The following ABI2 variants were observed in gnomAD, a reference collection of about 807,000 sequenced individuals.
The protein encoded by ABI2 is abl interactor 2.
In ABI2, 25 loss-of-function variants were observed where a neutral mutation model predicts 59.2. The ratio of observed to expected loss-of-function variants is 0.42; its 90% CI spans 0.31 to 0.59. The LOEUF is 0.59. Among genes scored for constraint, ABI2 ranks in the 20% least tolerant of loss-of-function variants. The pLI, the probability that ABI2 is intolerant of heterozygous loss-of-function variation, is 0.14. For synonymous variants in ABI2, 213 were observed against 235.5 expected, an observed-to-expected ratio of 0.90 and a Z score of 0.87; for missense variants, 545 against 681.8, an observed-to-expected ratio of 0.80 and a Z score of 2.23.
intron 1 of ABI2, among the ~76,000 whole-genome samples, chr2:203,347,722 C>T (rs973423290): frequency 6.6e-6 from 1 of 152,190 alleles, no homozygotes; most frequent in Admixed American, 6.5e-5. Flanking sequence ...CGACACATAA[C>T]TTATGACACT....
intron 1 of ABI2, among the ~76,000 whole-genome samples, chr2:203,364,479 G>T (rs927060980): frequency 6.6e-6 from 1 of 152,156 alleles, no homozygotes; most frequent in Non-Finnish European, 1.5e-5. Flanking sequence ...CCACCATTGC[G>T]CTGACTTATC....
chr2:203,396,924 C>T lies in ABI2; in HGVS notation c.990C>T (p.Phe330=). 6.6e-7 allele frequency: 1 copy of T among 1,523,680 alleles called. No homozygotes were observed. The highest frequency in any genetic ancestry group is 8.8e-7 in the Non-Finnish European group (1 of 1,142,168). 94.4% of individuals were successfully genotyped at this position (1,523,680 alleles called of 1,614,324 possible). A position where few individuals can be genotyped will look rare whatever the true frequency, so the allele number is the denominator to read the frequency against. Residue 330 remains phenylalanine (F), a synonymous_variant, in exon 8 of 12, where the codon TTC becomes TTT. Coordinates refer to ENST00000261018, the MANE Select transcript of ABI2 (RefSeq NM_001375670.1). ...GTGCCCAGACCCTTGCTGATGGCTT[C>T]ACTTCTCCAACTCCCCCTGTTGTTT... ...AGGAQTLADG[F]TSPTPPVVSS...
intron 1 of ABI2, among the ~76,000 whole-genome samples, chr2:203,335,579 G>T (rs781668161): frequency 3.9e-5 from 6 of 152,328 alleles, no homozygotes; most frequent in African/African-American, 1.4e-4. Context: ...TATTTTATAA[G>T]TAGGATATAA....
intron 1 of ABI2, among the ~76,000 whole-genome samples, chr2:203,330,608 A>G (rs2072614163): frequency 6.6e-6 from 1 of 152,168 alleles, no homozygotes; most frequent in South Asian, 2.1e-4. Flanking sequence ...GGGATTTCAC[A>G]ATCTCTAGTA....
At chr2:203,407,432 TCA>T (rs1491442029) in intron 9 of ABI2, among the ~76,000 whole-genome samples, 3 of 152,230 alleles carry the variant, frequency 2.0e-5, no homozygotes, top group African/African-American at 4.8e-5. Flanking sequence ...TCTAATATTC[TCA>T]GAGTATTTAT....
Position 203,402,732 on chromosome 2 carries a change from C to T in ABI2, c.1190C>T (p.Pro397Leu), listed in dbSNP as rs1256665762. The change falls in exon 9 of 12, where the codon CCA becomes CTA. Residue 397 changes from proline to leucine, a missense_variant and splice_region_variant. This residue lies in a region of ABI2 where 410 missense variants were observed against 435.6 expected (regional missense o/e 0.94). Transcript: ENST00000261018. Reference sequence around the variant, plus strand: ...GGAGGACCTTTTTATAGCCAGAATCCAGGTTAGTTTTTTTGTTTTTTTGCA... The same window carrying T: ...GGAGGACCTTTTTATAGCCAGAATCTAGGTTAGTTTTTTTGTTTTTTTGCA... ...MNGGPFYSQN[P>L]VSLAPPPPSI... 1 of 1,561,368 alleles carries T rather than the reference C, an allele frequency of 6.4e-7. No homozygotes were observed. The highest frequency in any genetic ancestry group is 8.6e-7 in the Non-Finnish European group (1 of 1,161,540).
At chr2:203,355,598 G>C (rs2091496344) in intron 1 of ABI2, among the ~76,000 whole-genome samples, 1 of 151,974 alleles carries the variant, frequency 6.6e-6, no homozygotes, top group African/African-American at 2.4e-5. Context: ...GGGAGGCTGA[G>C]GTGGGCGGAT....
intron 1 of ABI2, among the ~76,000 whole-genome samples, chr2:203,349,692 A>G (rs1576376348): frequency 2.0e-5 from 3 of 149,272 alleles, no homozygotes; most frequent in Admixed American, 2.0e-4. Context: ...GGTGTGAGCC[A>G]CTGTGCCCGG....
intron 9 of ABI2, among the ~76,000 whole-genome samples, chr2:203,404,371 T>G (rs995220721): frequency 6.6e-6 from 1 of 152,240 alleles, no homozygotes; most frequent in African/African-American, 2.4e-5. Context: ...CCTTAATTGA[T>G]ATATACTTCC....
chr2:203,343,224 T>C (rs913457801), intron 1 of ABI2, among the ~76,000 whole-genome samples: 5 of 152,048 alleles, frequency 3.3e-5, no homozygotes, highest in Non-Finnish European at 5.9e-5. Context: ...ATTAGCGGGA[T>C]GTGGTGGCAC....
At chr2:203,379,633 A>G (rs1198942928) in intron 2 of ABI2, among the ~76,000 whole-genome samples, 1 of 152,228 alleles carries the variant, frequency 6.6e-6, no homozygotes, top group African/African-American at 2.4e-5. Context: ...TTAGAAATGT[A>G]ACTAGATTAA....
At chr2:203,374,889 G>A (rs1196239135) in intron 2 of ABI2, 1 of 451,338 alleles carries the variant, frequency 2.2e-6, no homozygotes, top group African/African-American at 2.0e-5. Flanking sequence ...TCAATTATCT[G>A]TGGTAATGGG....
chr2:203,416,922 C>T lies in ABI2; in HGVS notation c.1294C>T (p.Pro432Ser), dbSNP rs757465070. 2.5e-6 allele frequency: 4 copies of T among 1,612,096 alleles called. No homozygotes were observed. Among genetic ancestry groups the T allele is most frequent in the African/African-American group, 1.3e-5 (1 of 74,826 alleles). ...RVQENISDTP[P>S]PPPPVEEPVF... ...TACGTTCTTAGTTTCAGATACACCACCTCCACCGCCACCTGTGGAAGAACC... is the reference window on the plus strand; with the variant it reads ...TACGTTCTTAGTTTCAGATACACCATCTCCACCGCCACCTGTGGAAGAACC... The change falls in exon 11 of 12, where the codon CCT becomes TCT. Residue 432 changes from proline to serine, a missense_variant. Physicochemically the swap from Pro to Ser is moderately conservative, Grantham distance 74. Coordinates refer to ENST00000261018, the MANE Select transcript of ABI2 (RefSeq NM_001375670.1).
chr2:203,346,852 C>T (rs993740925), intron 1 of ABI2, among the ~76,000 whole-genome samples: 2 of 152,142 alleles, frequency 1.3e-5, no homozygotes, highest in East Asian at 1.9e-4. Flanking sequence ...TATATTCTTG[C>T]AGTGCTAGCT....
At chr2:203,371,872 A>G (rs2095236146) in intron 2 of ABI2, among the ~76,000 whole-genome samples, 1 of 152,022 alleles carries the variant, frequency 6.6e-6, no homozygotes, top group African/African-American at 2.4e-5. Flanking sequence ...TTTTCAAACT[A>G]AAACTCTTAT....
intron 1 of ABI2, among the ~76,000 whole-genome samples, chr2:203,345,468 G>T (rs189869810): frequency 6.6e-6 from 1 of 152,188 alleles, no homozygotes; most frequent in Non-Finnish European, 1.5e-5. Context: ...AACCAATTCC[G>T]GACACAATCT....
rs1294203454 is a variant in ABI2 at position 203,427,158 on chromosome 2, T to C, written c.1454-19T>C. ...ATATTACTGTCTTTCACATCCTGTT[T>C]TGTTTTCTTCCCTCCTAGTTGTGGC... is the stretch of plus-strand genomic sequence containing the variant. On this transcript the variant is annotated intron_variant, in intron 11 of 11. Coordinates refer to ENST00000261018, the MANE Select transcript of ABI2 (RefSeq NM_001375670.1). 3 of 1,608,374 alleles carry C rather than the reference T, an allele frequency of 1.9e-6. No individual in the cohort carries two copies. The South Asian group carries it at 3.3e-5, about 18-fold the overall frequency.
At position 203,406,573 on chromosome 2, in the gene ABI2, G is replaced by C. The variant is rs537966320; in HGVS notation, c.1192+3839G>C. ...ATTTCACATATTCTCTAAATGATTT[G>C]TGAAGTTACAGCATCACCATAAATG... On this transcript the variant is annotated intron_variant, in intron 9 of 11. Coordinates refer to ENST00000261018, the MANE Select transcript of ABI2 (RefSeq NM_001375670.1). Among the ~76,000 whole-genome samples, 659 of 152,330 alleles carry C rather than the reference G, an allele frequency of 4.3e-3. 3 individuals are homozygous for C. The highest frequency in any genetic ancestry group is 0.015 in the African/African-American group (626 of 41,574).
intron 2 of ABI2, among the ~76,000 whole-genome samples, chr2:203,373,438 CAGAGGGAGACCGTGGAAAGAGAGGG>C (rs960846305): frequency 6.6e-5 from 10 of 152,110 alleles, no homozygotes; most frequent in South Asian, 6.2e-4. Flanking sequence ...TGCTCGGCAT[CAGAGGGAGACCGTGGAAAGAGAGGG>C]AGAGGGAGAC....
Sources: gnomAD v4.1 joint callset for allele counts (sites outside exome capture counted in the v4.1 genomes callset) on GRCh38, gnomAD v4.1.1 for gene constraint, gnomAD v4.1.1 regional missense constraint, MANE v1.5 for transcripts, NCBI Gene and HGNC (gene_info 2026-07-23, HGNC 2026-07-21) for gene names.